Variants in RABGAP1L observed in about 807,000 individuals in gnomAD.
RABGAP1L encodes the protein rab GTPase-activating protein 1-like.
In RABGAP1L, 63 loss-of-function variants were observed where a neutral mutation model predicts 137.7. That is an observed-to-expected ratio of 0.46 (90% CI 0.37 to 0.56). The LOEUF is 0.56. Ranked by LOEUF, RABGAP1L falls within the 20% of genes least tolerant of loss-of-function variation. The probability of loss-of-function intolerance (pLI) is 0.00; values close to 1 mark genes in which losing one functional copy is unlikely to be tolerated. For synonymous variants in RABGAP1L, 431 were observed against 433.7 expected (o/e 0.99, Z 0.08); for missense variants, 1,095 against 1,244.0 (o/e 0.88, Z 1.80).
chr1:174,491,001 A>G lies in RABGAP1L; in HGVS notation c.1710+96856A>G, dbSNP rs75987469. Reference sequence around the variant, plus strand: ...CCTCTGGCCCATGGCAGACTCAGAAATGCCATCTAAAAGCCAAGGCCTGGA... The same window carrying G: ...CCTCTGGCCCATGGCAGACTCAGAAGTGCCATCTAAAAGCCAAGGCCTGGA... On this transcript the variant is annotated intron_variant, in intron 13 of 25. Transcript: ENST00000681986. Among the ~76,000 whole-genome samples the G allele has an allele frequency of 6.7e-3, 1,027 of 152,222 alleles. 14 individuals are homozygous for G. The highest frequency in any genetic ancestry group is 0.023 in the African/African-American group (966 of 41,522).
At chr1:174,720,861 A>G (rs545390406) in intron 17 of RABGAP1L, among the ~76,000 whole-genome samples, 1 of 152,344 alleles carries the variant, frequency 6.6e-6, no homozygotes, top group African/African-American at 2.4e-5. Flanking sequence ...CAGCCTTGCA[A>G]ATATACTAAA....
At chr1:174,977,899 A>C (rs997284888) in intron 22 of RABGAP1L, among the ~76,000 whole-genome samples, 11 of 152,232 alleles carry the variant, frequency 7.2e-5, no homozygotes, top group African/African-American at 2.4e-4. Context: ...AAATTCAGAA[A>C]TCTAATGAGT....
At chr1:174,321,512 C>T (rs1679982502) in intron 11 of RABGAP1L, among the ~76,000 whole-genome samples, 1 of 152,150 alleles carries the variant, frequency 6.6e-6, no homozygotes, top group African/African-American at 2.4e-5. Flanking sequence ...CTCTTTTGTA[C>T]TCTTTCCCTT....
At position 174,723,470 on chromosome 1, in the gene RABGAP1L, C is replaced by T. The variant is rs191792646; in HGVS notation, c.2169+21214C>T. On this transcript the variant is annotated intron_variant, in intron 17 of 25. Coordinates refer to ENST00000681986, the MANE Select transcript of RABGAP1L (RefSeq NM_001366446.1). ...AGTAGTGATATGTTGGAGATAAGGT[C>T]GTAAGAACAGGTAATACCTAATCTA... Among the ~76,000 whole-genome samples, 344 of 152,226 alleles carry T rather than the reference C, an allele frequency of 2.3e-3. 2 individuals are homozygous for T. The highest frequency in any genetic ancestry group is 1.9e-3 in the South Asian group (9 of 4,818).
chr1:174,430,648 A>G (rs1465805728), intron 13 of RABGAP1L, among the ~76,000 whole-genome samples: 2 of 152,154 alleles, frequency 1.3e-5, no homozygotes, highest in South Asian at 2.1e-4. Context: ...CACAAACCTA[A>G]TAGTTAGAGT....
chr1:174,259,531 A>G (rs949388518), intron 7 of RABGAP1L, among the ~76,000 whole-genome samples: 2 of 152,240 alleles, frequency 1.3e-5, no homozygotes, highest in Non-Finnish European at 2.9e-5. Flanking sequence ...TAAAAAGTAT[A>G]TAAAAGTTTA....
intron 18 of RABGAP1L, among the ~76,000 whole-genome samples, chr1:174,792,768 C>T (rs548640363): frequency 6.6e-6 from 1 of 152,170 alleles, no homozygotes; most frequent in Non-Finnish European, 1.5e-5. Context: ...TTACTATGTA[C>T]AGTATAGCCC....
intron 13 of RABGAP1L, among the ~76,000 whole-genome samples, chr1:174,442,694 A>G (rs1188444621): frequency 6.6e-6 from 1 of 152,198 alleles, no homozygotes; most frequent in African/African-American, 2.4e-5. Flanking sequence ...AAATTGGGAC[A>G]TCTGTCATCT....
At chr1:174,916,281 C>T (rs758012215) in intron 19 of RABGAP1L, among the ~76,000 whole-genome samples, 9 of 152,112 alleles carry the variant, frequency 5.9e-5, no homozygotes, top group Non-Finnish European at 1.2e-4. Context: ...CTATATGTCT[C>T]TCTTTACCTG....
chr1:174,167,198 CT>C (rs1664983387), intron 1 of RABGAP1L, among the ~76,000 whole-genome samples: 1 of 151,224 alleles, frequency 6.6e-6, no homozygotes, highest in Admixed American at 6.6e-5. Context: ...CACAGTGTTT[CT>C]GTTAAAGTTT....
intron 13 of RABGAP1L, 93 bp downstream of exon 13, chr1:174,394,238 A>G (rs1647540859): frequency 3.5e-6 from 5 of 1,436,244 alleles, no homozygotes; most frequent in Non-Finnish European, 4.7e-6. Context: ...AATGCTTTGA[A>G]CTTCTTCATG....
At chr1:174,726,601 T>TA (rs1191631028) in intron 17 of RABGAP1L, among the ~76,000 whole-genome samples, 2 of 152,178 alleles carry the variant, frequency 1.3e-5, no homozygotes, top group Non-Finnish European at 2.9e-5. Context: ...ATTTATCTAT[T>TA]ACTATTATAA....
At chr1:174,930,548 C>G (rs1004407295) in intron 19 of RABGAP1L, among the ~76,000 whole-genome samples, 4 of 152,140 alleles carry the variant, frequency 2.6e-5, no homozygotes, top group Non-Finnish European at 5.9e-5. Context: ...AACTCCTGGA[C>G]TCCAGCAATC....
At chr1:174,962,106 C>T (rs901268944) in intron 20 of RABGAP1L, among the ~76,000 whole-genome samples, 7 of 150,624 alleles carry the variant, frequency 4.6e-5, no homozygotes, top group East Asian at 2.0e-4. Context: ...ACCCAAGAGG[C>T]GGAGTTTACA....
chr1:174,337,170 T>G (rs936583548), intron 11 of RABGAP1L, among the ~76,000 whole-genome samples: 2 of 152,078 alleles, frequency 1.3e-5, no homozygotes, highest in African/African-American at 4.8e-5. Context: ...AGTTGAGTCC[T>G]CTGTTCAGAG....
intron 13 of RABGAP1L, among the ~76,000 whole-genome samples, chr1:174,600,568 AAAG>A (rs1670331431): frequency 6.6e-6 from 1 of 152,186 alleles, no homozygotes; most frequent in Non-Finnish European, 1.5e-5. Context: ...TGGCCAAAAA[AAAG>A]GAGTTACAGG....
intron 11 of RABGAP1L, among the ~76,000 whole-genome samples, chr1:174,349,770 C>G (rs1455529352): frequency 8.0e-6 from 1 of 124,960 alleles, no homozygotes; most frequent in Admixed American, 7.9e-5. Context: ...GGGCGGCTGG[C>G]CGGGCAGAGG....
intron 18 of RABGAP1L, among the ~76,000 whole-genome samples, chr1:174,789,322 A>C (rs551515749): frequency 6.6e-6 from 1 of 152,302 alleles, no homozygotes; most frequent in South Asian, 2.1e-4. Context: ...AGGTAGACCA[A>C]TTTAGTTGGA....
At chr1:174,217,026 AC>A (rs985395679) in intron 1 of RABGAP1L, among the ~76,000 whole-genome samples, 2 of 152,076 alleles carry the variant, frequency 1.3e-5, no homozygotes, top group African/African-American at 4.8e-5. Context: ...CATTGTTTGG[AC>A]TAGAGTGGTA....
Sources: allele counts gnomAD v4.1 joint callset (sites outside exome capture counted in the v4.1 genomes callset), GRCh38; gene constraint gnomAD v4.1.1; transcripts MANE v1.5; gene names NCBI Gene and HGNC (gene_info 2026-07-23, HGNC 2026-07-21).